MAGI3: variants seen among roughly 807,000 people sequenced by gnomAD.
MAGI3 encodes the protein membrane associated guanylate kinase, WW and PDZ domain containing 3, also known as membrane-associated guanylate kinase, WW and PDZ domain-containing protein 3.
Under a neutral mutation model 121.8 loss-of-function variants are expected in MAGI3, and 43 were observed. That is an observed-to-expected ratio of 0.35 (90% CI 0.28 to 0.46). The LOEUF is 0.46. Among genes scored for constraint, MAGI3 ranks in the 20% least tolerant of loss-of-function variants. The probability of loss-of-function intolerance (pLI) is 1.00; values close to 1 mark genes in which losing one functional copy is unlikely to be tolerated. For missense variants in MAGI3, 1,547 were observed against 1,797.3 expected, an observed-to-expected ratio of 0.86 and a Z score of 2.52; for synonymous variants, 553 against 639.3, an observed-to-expected ratio of 0.86 and a Z score of 2.04.
chr1:113,447,011 C>T (rs751725854), intron 1 of MAGI3, among the ~76,000 whole-genome samples: 2 of 151,996 alleles, frequency 1.3e-5, no homozygotes, highest in African/African-American at 2.4e-5. Flanking sequence ...GGATAGAATG[C>T]GGAATTAGTA....
At chr1:113,634,372 C>T (rs1281765404) in intron 9 of MAGI3, among the ~76,000 whole-genome samples, 1 of 152,126 alleles carries the variant, frequency 6.6e-6, no homozygotes, top group Admixed American at 6.6e-5. Flanking sequence ...GGTTTTAGGT[C>T]TAACGTTTAA....
intron 1 of MAGI3, among the ~76,000 whole-genome samples, chr1:113,521,712 A>G (rs1006711971): frequency 6.6e-6 from 1 of 152,120 alleles, no homozygotes; most frequent in African/African-American, 2.4e-5. Flanking sequence ...AGCCACAGTT[A>G]GTGCTATTCT....
At chr1:113,662,670 C>T (rs549575725) in intron 16 of MAGI3, among the ~76,000 whole-genome samples, 1 of 152,258 alleles carries the variant, frequency 6.6e-6, no homozygotes, top group African/African-American at 2.4e-5. Flanking sequence ...GGCAAGCATT[C>T]TAGTATGTTT....
intron 1 of MAGI3, among the ~76,000 whole-genome samples, chr1:113,403,202 G>T (rs184290341): frequency 1.5e-4 from 23 of 152,138 alleles, no homozygotes; most frequent in African/African-American, 5.5e-4. Context: ...CTCTGCTTGA[G>T]TCAGGAAAGT....
chr1:113,391,804 G>A lies in MAGI3; in HGVS notation c.316+455G>A, dbSNP rs1650836500. Among the ~76,000 whole-genome samples the A allele has an allele frequency of 6.6e-6, 1 of 152,206 alleles. No homozygotes were observed. The highest frequency in any genetic ancestry group is 2.4e-5 in the African/African-American group (1 of 41,448). On this transcript the variant is annotated intron_variant, in intron 1 of 20. Transcript: ENST00000307546. The surrounding 1 kb of genome is among the most constrained non-coding windows in gnomAD (Gnocchi z 4.4). Reference sequence around the variant, plus strand: ...CCAAGGTTACCACCTGGTGTACCTGGAAGGGCTTAGCTGCTTCAGTGTTTC... The same window carrying A: ...CCAAGGTTACCACCTGGTGTACCTGAAAGGGCTTAGCTGCTTCAGTGTTTC...
intron 1 of MAGI3, among the ~76,000 whole-genome samples, chr1:113,510,083 T>G (rs1657539863): frequency 6.6e-6 from 1 of 152,204 alleles, no homozygotes. Flanking sequence ...AAATAATTCT[T>G]AAAGATTGTC....
intron 1 of MAGI3, among the ~76,000 whole-genome samples, chr1:113,397,150 G>A (rs1361721700): frequency 1.3e-5 from 2 of 152,000 alleles, no homozygotes; most frequent in Admixed American, 6.6e-5. Context: ...TTTTTTGGTC[G>A]AATACCAGAA....
chr1:113,578,754 AAC>A (rs1185521922), intron 2 of MAGI3, among the ~76,000 whole-genome samples: 2 of 152,156 alleles, frequency 1.3e-5, no homozygotes, highest in Non-Finnish European at 2.9e-5. Context: ...GAAAATAAAA[AAC>A]GTATTAAAAA....
chr1:113,619,572 G>A (rs1217192), intron 7 of MAGI3, among the ~76,000 whole-genome samples, 164 bp from the exon 8 acceptor site: 114,073 of 151,998 alleles, frequency 0.75, 43,553 homozygotes, highest in African/African-American at 0.85. Flanking sequence ...TTATTTAGCA[G>A]CAGAAAGCCC....
At chr1:113,645,895 C>G (rs1212496172) in intron 11 of MAGI3, among the ~76,000 whole-genome samples, 1 of 152,204 alleles carries the variant, frequency 6.6e-6, no homozygotes, top group Non-Finnish European at 1.5e-5. Context: ...GGAAAAATAT[C>G]AAAATATGCT....
intron 2 of MAGI3, among the ~76,000 whole-genome samples, chr1:113,572,423 G>A (rs996081456): frequency 3.9e-5 from 6 of 152,184 alleles, no homozygotes; most frequent in African/African-American, 1.4e-4. Context: ...GAGTTAGGGA[G>A]GAGTCCCTCT....
intron 16 of MAGI3, among the ~76,000 whole-genome samples, chr1:113,668,503 G>T (rs1393159580): frequency 6.9e-6 from 1 of 145,518 alleles, no homozygotes; most frequent in Non-Finnish European, 1.5e-5. Context: ...AAAATGAAAA[G>T]AATCCCAGTG....
intron 1 of MAGI3, among the ~76,000 whole-genome samples, chr1:113,420,704 C>A (rs562505713): frequency 6.6e-6 from 1 of 152,284 alleles, no homozygotes; most frequent in South Asian, 2.1e-4. Context: ...AACATAGCGT[C>A]CGTTCATCTG....
At chr1:113,481,747 GT>G (rs1189263072) in intron 1 of MAGI3, among the ~76,000 whole-genome samples, 2 of 152,080 alleles carry the variant, frequency 1.3e-5, no homozygotes, top group African/African-American at 4.8e-5. Flanking sequence ...TTTGTTTTTA[GT>G]TGATGCTGTA....
At chr1:113,468,266 T>G (rs1191642820) in intron 1 of MAGI3, among the ~76,000 whole-genome samples, 1 of 152,212 alleles carries the variant, frequency 6.6e-6, no homozygotes, top group Non-Finnish European at 1.5e-5. Context: ...GTTGCTTGTT[T>G]GTAATTCCTC....
At chr1:113,412,322 G>A (rs370562289) in intron 1 of MAGI3, among the ~76,000 whole-genome samples, 17 of 152,044 alleles carry the variant, frequency 1.1e-4, no homozygotes, top group Non-Finnish European at 2.1e-4. Flanking sequence ...GAATAGTGCC[G>A]CAATAAACAT....
At position 113,659,284 on chromosome 1, in the gene MAGI3, C is replaced by T. The variant is rs757118611; in HGVS notation, c.2815+19C>T. 29 of 1,610,424 alleles carry T rather than the reference C, an allele frequency of 1.8e-5. No individual in the cohort carries two copies. Among genetic ancestry groups the T allele is most frequent in the Non-Finnish European group, 2.1e-5 (25 of 1,179,200 alleles). On this transcript the variant is annotated intron_variant, in intron 16 of 20. Transcript: ENST00000307546. ...GAAGAAGGTAAGGAGCCAGTAGACGCGCCTGCCCCAAGCTGATCTGAGAGG... is the reference window on the plus strand; with the variant it reads ...GAAGAAGGTAAGGAGCCAGTAGACGTGCCTGCCCCAAGCTGATCTGAGAGG...
In MAGI3 at chr1:113,636,147, G is replaced by A. The variant is rs532194505; in HGVS notation, c.1361-5764G>A. ...TTCTTTATTAGTCTTGCTAGTGGTC[G>A]ATCAATTTTGTTGATCCTTTCAAAA... On this transcript the variant is annotated intron_variant, in intron 9 of 20. Coordinates refer to ENST00000307546, the MANE Select transcript of MAGI3 (RefSeq NM_001142782.2). 9.6e-4 allele frequency among the ~76,000 whole-genome samples: 144 copies of A among 150,630 alleles called. No individual in the cohort carries two copies. The East Asian group carries it at 0.016, about 17-fold the overall frequency.
At chr1:113,608,551 T>A (rs1649931349) in intron 6 of MAGI3, among the ~76,000 whole-genome samples, 1 of 152,006 alleles carries the variant, frequency 6.6e-6, no homozygotes, top group South Asian at 2.1e-4. Flanking sequence ...ACTGCAAGCC[T>A]CCTCCCAACG....
Sources: gnomAD v4.1 joint callset for allele counts (sites outside exome capture counted in the v4.1 genomes callset) on GRCh38, gnomAD v4.1.1 for gene constraint, Gnocchi (gnomAD v3.1) non-coding constraint, MANE v1.5 for transcripts, NCBI Gene and HGNC (gene_info 2026-07-23, HGNC 2026-07-21) for gene names.